DCLRE1A: variants seen among roughly 807,000 people sequenced by gnomAD.
DCLRE1A encodes DNA cross-link repair 1A.
Under a neutral mutation model 91.9 loss-of-function variants are expected in DCLRE1A, and 64 were observed. That is an observed-to-expected ratio of 0.70 (90% CI 0.57 to 0.86). The LOEUF (loss-of-function observed/expected upper bound fraction) is 0.86, where lower values mean the gene tolerates loss of function less well. DCLRE1A is among the 40% of genes least tolerant of loss of function. DCLRE1A has a pLI of 0.00. For missense variants in DCLRE1A, 1,145 were observed against 1,213.3 expected (o/e 0.94, Z 0.84); for synonymous variants, 416 against 431.1 (o/e 0.96, Z 0.43).
intron 6 of DCLRE1A, among the ~76,000 whole-genome samples, 155 bp downstream of exon 6, chr10:113,842,188 T>G (rs535607652): frequency 6.6e-6 from 1 of 152,174 alleles, no homozygotes; most frequent in Non-Finnish European, 1.5e-5. Flanking sequence ...ATTAAATGTT[T>G]CAAACTGTCA....
intron 7 of DCLRE1A, among the ~76,000 whole-genome samples, chr10:113,838,800 C>T (rs768767357): frequency 2.6e-5 from 4 of 152,172 alleles, no homozygotes; most frequent in Non-Finnish European, 5.9e-5. Flanking sequence ...AGGTGATAGT[C>T]AACTACGTAG....
chr10:113,839,441 G>A (rs533328646), intron 7 of DCLRE1A, among the ~76,000 whole-genome samples: 202 of 150,496 alleles, frequency 1.3e-3, no homozygotes, highest in Non-Finnish European at 2.2e-3. Context: ...GTTTTTTAAC[G>A]TTGTGAATGT....
intron 7 of DCLRE1A, among the ~76,000 whole-genome samples, chr10:113,837,495 C>T (rs1044679871): frequency 6.6e-6 from 1 of 152,052 alleles, no homozygotes; most frequent in Non-Finnish European, 1.5e-5. Flanking sequence ...CTGATAGCTA[C>T]CAAAAACAAA....
chr10:113,842,451 CT>C lies in DCLRE1A; in HGVS notation c.2556del (p.Glu853ArgfsTer14), dbSNP rs1564842528. On this transcript the variant is annotated frameshift_variant, in exon 6 of 9. Transcript: ENST00000361384. LOFTEE classifies it high-confidence loss of function. ...CSPEYTFPSQ[Q>X]EVIRFAINTA... ...GTGTTGATGGCAAACCGGATAACCTCTTGCTGAGATGGAAAGGTGTATTCTG... is the reference window on the plus strand; with the variant it reads ...GTGTTGATGGCAAACCGGATAACCTCTGCTGAGATGGAAAGGTGTATTCTG... 1.2e-6 allele frequency: 2 copies of C among 1,613,822 alleles called. No homozygotes were observed. Among genetic ancestry groups the C allele is most frequent in the African/African-American group, 1.3e-5 (1 of 75,028 alleles).
chr10:113,847,469 T>C (rs1589526020), intron 2 of DCLRE1A, 134 bp from the exon 3 acceptor site: 2 of 1,024,414 alleles, frequency 2.0e-6, no homozygotes, highest in East Asian at 5.5e-5. Flanking sequence ...TTATATCACA[T>C]AAATTTAACA....
chr10:113,837,893 CAG>C (rs1235066917), intron 7 of DCLRE1A, among the ~76,000 whole-genome samples: 1 of 151,996 alleles, frequency 6.6e-6, no homozygotes, highest in Non-Finnish European at 1.5e-5. Context: ...CGAAAGATAA[CAG>C]AAATCCAGTT....
chr10:113,843,235 T>C (rs1291057889), intron 5 of DCLRE1A, among the ~76,000 whole-genome samples: 1 of 152,160 alleles, frequency 6.6e-6, no homozygotes, highest in Non-Finnish European at 1.5e-5. Context: ...TTTCCCAATT[T>C]TCAGAATTGT....
At chr10:113,836,333 T>C (rs1243308338) in intron 8 of DCLRE1A, among the ~76,000 whole-genome samples, 1 of 152,050 alleles carries the variant, frequency 6.6e-6, no homozygotes, top group Non-Finnish European at 1.5e-5. Flanking sequence ...AAACAATTCT[T>C]CCTTTAGACA....
At chr10:113,846,393 G>A (rs1845538294) in intron 3 of DCLRE1A, among the ~76,000 whole-genome samples, 1 of 152,142 alleles carries the variant, frequency 6.6e-6, no homozygotes, top group African/African-American at 2.4e-5. Flanking sequence ...CCTTAGTAAT[G>A]AGCATTAAAA....
Position 113,842,473 on chromosome 10 carries a change from TTCTGGGCTACAATA to T in DCLRE1A, c.2521_2534del (p.Tyr841IlefsTer19). The T allele has an allele frequency of 6.2e-7, 1 of 1,613,316 alleles. No homozygotes were observed. The highest frequency in any genetic ancestry group is 2.2e-5 in the East Asian group (1 of 44,850). Reference sequence around the variant, plus strand: ...CCTCTTGCTGAGATGGAAAGGTGTATTCTGGGCTACAATATCTGTGGTATGGAAACATGGTACTT... The same window carrying T: ...CCTCTTGCTGAGATGGAAAGGTGTATTCTGTGGTATGGAAACATGGTACTT... On this transcript the variant is annotated frameshift_variant and splice_region_variant, in exon 6 of 9. Transcript: ENST00000361384. LOFTEE classifies it high-confidence loss of function.
chr10:113,842,037 A>G (rs1845453262), intron 6 of DCLRE1A, among the ~76,000 whole-genome samples: 2 of 152,236 alleles, frequency 1.3e-5, no homozygotes, highest in African/African-American at 4.8e-5. Context: ...GAATGCAGCA[A>G]TACAACTATG....
Position 113,835,201 on chromosome 10 carries a change from C to T in DCLRE1A, c.3074G>A (p.Ser1025Asn). Residue 1025 changes from serine to asparagine, a missense_variant, in exon 9 of 9, where the codon AGC becomes AAC. Physicochemically the swap from Ser to Asn is conservative, Grantham distance 46. Transcript: ENST00000361384. ...CTCTCTAAAATATTTCTCCATTGTG[C>T]TCCTAGATTTCCAGGTGCCCACATT... ...TVNVGTWKSRSTMEKYFREWK... is the reference protein window; with the variant it reads ...TVNVGTWKSRNTMEKYFREWK... The T allele has an allele frequency of 6.2e-7, 1 of 1,614,132 alleles. No individual in the cohort carries two copies. Among genetic ancestry groups the T allele is most frequent in the Non-Finnish European group, 8.5e-7 (1 of 1,180,002 alleles).
At chr10:113,837,608 G>A (rs1011801296) in intron 7 of DCLRE1A, among the ~76,000 whole-genome samples, 1 of 152,140 alleles carries the variant, frequency 6.6e-6, no homozygotes, top group Non-Finnish European at 1.5e-5. Context: ...AAAGGGGATA[G>A]CTAGGTGGAT....
At chr10:113,842,547 C>A in intron 5 of DCLRE1A, 59 bp from the exon 6 acceptor site, 1 of 1,513,966 alleles carries the variant, frequency 6.6e-7, no homozygotes, top group Non-Finnish European at 8.9e-7. Flanking sequence ...TCACCTTAAG[C>A]TGGATGCTAT....
rs1371540310 is a variant in DCLRE1A at position 113,837,183 on chromosome 10, C to G, written c.2841G>C (p.Lys947Asn). 6.2e-7 allele frequency: 1 copy of G among 1,611,566 alleles called. No individual in the cohort carries two copies. The highest frequency in any genetic ancestry group is 1.1e-5 in the South Asian group (1 of 90,426). The change falls in exon 8 of 9, where the codon AAG becomes AAC. Residue 947 changes from lysine (K) to asparagine (N), a missense_variant. Lys to Asn is a moderately conservative substitution (Grantham distance 94, BLOSUM62 0). Coordinates refer to ENST00000361384, the MANE Select transcript of DCLRE1A (RefSeq NM_014881.5). ...INFKGLQSHL[K>N]KCGGKYNQIL... The stretch of plus-strand genomic sequence containing the variant: ...TCTGATTGTATTTCCCACCACACTT[C>G]TTCAAATGACTCTGTAAGCCCTGTT...
In DCLRE1A at chr10:113,835,100, T is replaced by C. The variant is rs1845342484; in HGVS notation, c.*52A>G. The C allele has an allele frequency of 1.9e-6, 3 of 1,541,056 alleles. No homozygotes were observed. The highest frequency in any genetic ancestry group is 3.9e-5 in the Admixed American group (2 of 51,472). Reference sequence around the variant, plus strand: ...TTCACATTTCTATAGATTTAACTACTAACAAGCTACATCCAAGGAACTTAA... The same window carrying C: ...TTCACATTTCTATAGATTTAACTACCAACAAGCTACATCCAAGGAACTTAA... On this transcript the variant is annotated 3_prime_UTR_variant, in exon 9 of 9. Transcript: ENST00000361384.
Position 113,853,010 on chromosome 10 carries a change from T to G in DCLRE1A, c.173A>C (p.Lys58Thr). 6.2e-7 allele frequency: 1 copy of G among 1,614,096 alleles called. No homozygotes were observed. Among genetic ancestry groups the G allele is most frequent in the African/African-American group, 1.3e-5 (1 of 75,024 alleles). ...SRNRKRAAEA[K>T]EVKDHEVPLG... ...GGGCACTTCATGGTCCTTCACCTCT[T>G]TAGCTTCTGCGGCTCTTTTTCTGTT... The change falls in exon 1 of 9, where the codon AAA becomes ACA. Residue 58 changes from lysine (K) to threonine (T), a missense_variant. Physicochemically the swap from Lys to Thr is moderately conservative, Grantham distance 78. Coordinates refer to ENST00000361384, the MANE Select transcript of DCLRE1A (RefSeq NM_014881.5).
intron 1 of DCLRE1A, 131 bp downstream of exon 1, chr10:113,852,592 A>G: frequency 1.2e-6 from 1 of 817,810 alleles, no homozygotes. Flanking sequence ...GTTGACTGGT[A>G]TGGTGTTTCC....
intron 7 of DCLRE1A, among the ~76,000 whole-genome samples, chr10:113,838,750 T>C (rs1845399505): frequency 6.6e-6 from 1 of 152,218 alleles, no homozygotes; most frequent in African/African-American, 2.4e-5. Flanking sequence ...AACATCATTG[T>C]TATAACATTT....
Sources: gnomAD v4.1 joint callset for allele counts (sites outside exome capture counted in the v4.1 genomes callset) on GRCh38, gnomAD v4.1.1 for gene constraint, MANE v1.5 for transcripts, NCBI Gene and HGNC (gene_info 2026-07-23, HGNC 2026-07-21) for gene names.